STXBP4: variants seen among roughly 807,000 people sequenced by gnomAD.
The protein encoded by STXBP4 is syntaxin-binding protein 4.
In STXBP4, 55 loss-of-function variants were observed where a neutral mutation model predicts 76.1. The ratio of observed to expected loss-of-function variants is 0.72; its 90% CI spans 0.58 to 0.91. The LOEUF is 0.91. Ranked by LOEUF, STXBP4 falls within the 40% of genes least tolerant of loss-of-function variation. The probability of loss-of-function intolerance (pLI) is 0.00; values close to 1 mark genes in which losing one functional copy is unlikely to be tolerated. For synonymous variants in STXBP4, 201 were observed against 220.2 expected, an observed-to-expected ratio of 0.91 and a Z score of 0.77; for missense variants, 618 against 636.9, an observed-to-expected ratio of 0.97 and a Z score of 0.32.
chr17:55,175,293 C>T (rs1394845027), downstream of STXBP4, among the ~76,000 whole-genome samples: 1 of 152,134 alleles, frequency 6.6e-6, no homozygotes, highest in African/African-American at 2.4e-5. Context: ...TCTAAAGACA[C>T]CTGCTGATGC....
intron 13 of STXBP4, among the ~76,000 whole-genome samples, chr17:55,073,723 G>T (rs2079148456): frequency 6.6e-6 from 1 of 152,156 alleles, no homozygotes; most frequent in Non-Finnish European, 1.5e-5. Context: ...CCGCCTCCCA[G>T]GTTCAAGTGA....
chr17:55,073,914 C>G (rs2079150735), intron 13 of STXBP4, among the ~76,000 whole-genome samples: 2 of 152,146 alleles, frequency 1.3e-5, no homozygotes, highest in Admixed American at 1.3e-4. Flanking sequence ...CAGGCATGAG[C>G]CACCACGCCT....
rs2077570709 is a variant in STXBP4 at position 54,982,906 on chromosome 17, T to TA, written c.-156-2708_-156-2707insA. On this transcript the variant is annotated intron_variant, in intron 1 of 17. Transcript: ENST00000376352. ...TGGTGAATCAAACTTTTTACCTGAA[T>TA]TAATTTTCCAGCATACTGTAGTAGA... 5.3e-5 allele frequency among the ~76,000 whole-genome samples: 8 copies of TA among 152,316 alleles called. No individual in the cohort carries two copies. In the South Asian group the frequency reaches 1.5e-3, roughly 28 times the overall value.
chr17:55,113,401 G>A (rs2079745715), intron 16 of STXBP4, among the ~76,000 whole-genome samples: 1 of 151,928 alleles, frequency 6.6e-6, no homozygotes, highest in African/African-American at 2.4e-5. Context: ...AAAAGGTATG[G>A]GAAATTCCAC....
chr17:55,043,902 G>C, intron 11 of STXBP4: 1 of 392,744 alleles, frequency 2.5e-6, no homozygotes, highest in South Asian at 4.7e-5. Context: ...AGGCTGGAGT[G>C]CAATACTGCA....
intron 16 of STXBP4, among the ~76,000 whole-genome samples, chr17:55,103,862 C>T (rs143326104): frequency 6.6e-6 from 1 of 152,172 alleles, no homozygotes; most frequent in African/African-American, 2.4e-5. Context: ...AAGTTGTAGT[C>T]TTAGGTATTT....
At chr17:55,099,698 G>A (rs544469549) in intron 16 of STXBP4, among the ~76,000 whole-genome samples, 58 of 152,220 alleles carry the variant, frequency 3.8e-4, no homozygotes, top group African/African-American at 1.3e-3. Context: ...ACAAATATTT[G>A]TTGAATACAA....
chr17:55,192,593 G>A, the STXBP4 span, among the ~76,000 whole-genome samples: 2 of 152,152 alleles, frequency 1.3e-5, no homozygotes, highest in African/African-American at 4.8e-5. Flanking sequence ...TACCTGAAGA[G>A]GGGAGAAATC....
rs531004865 is a variant in STXBP4, at chr17:55,105,116, ATC to A, written c.1489+23936_1489+23937del. On this transcript the variant is annotated intron_variant, in intron 16 of 17. Coordinates refer to ENST00000376352, the MANE Select transcript of STXBP4 (RefSeq NM_178509.6). ...TTTTTGAAGGGTTTTTCGTGTCTCT[ATC>A]TCCTTCAGTTCTGCTCTGATCTTAG... 3.0e-3 allele frequency among the ~76,000 whole-genome samples: 461 copies of A among 151,982 alleles called. 2 individuals are homozygous for A. The highest frequency in any genetic ancestry group is 3.7e-3 in the Non-Finnish European group (251 of 67,988).
intron 10 of STXBP4, among the ~76,000 whole-genome samples, chr17:55,034,512 C>T (rs1208512203): frequency 2.0e-5 from 3 of 152,012 alleles, no homozygotes; most frequent in East Asian, 1.9e-4. Flanking sequence ...GTGGAGGATA[C>T]GTGCTATAAC....
intron 11 of STXBP4, chr17:55,043,878 G>A (rs990588975): frequency 1.9e-5 from 9 of 481,256 alleles, no homozygotes; most frequent in Admixed American, 3.8e-5. Context: ...AGACAGGGTC[G>A]CACTCTGTCG....
Position 54,999,352 on chromosome 17 carries a change from G to A in STXBP4, c.188G>A (p.Arg63His), listed in dbSNP as rs200471337. ...IPGGDCYKDGRLKPGDQLVSV... is the reference protein window; with the variant it reads ...IPGGDCYKDGHLKPGDQLVSV... ...TGTTACTGTTTTTGTTAGGATGGTC[G>A]TTTGAAGCCAGGAGATCAACTTGTC... Residue 63 changes from arginine to histidine, a missense_variant, in exon 5 of 18, where the codon CGT (arginine) becomes CAT (histidine). Physicochemically the swap from Arg to His is conservative, Grantham distance 29 (BLOSUM62 0). Coordinates refer to ENST00000376352, the MANE Select transcript of STXBP4 (RefSeq NM_178509.6). 7.8e-5 allele frequency: 126 copies of A among 1,607,984 alleles called. 1 individual carries two copies. Among genetic ancestry groups the A allele is most frequent in the East Asian group, 6.3e-4 (28 of 44,722 alleles).
the STXBP4 span, among the ~76,000 whole-genome samples, chr17:55,192,463 C>A: frequency 6.6e-6 from 1 of 152,134 alleles, no homozygotes; most frequent in Non-Finnish European, 1.5e-5. Context: ...CTAAATTAAC[C>A]TATCAAGTTA....
At chr17:55,129,867 G>C (rs2079955999) in intron 16 of STXBP4, among the ~76,000 whole-genome samples, 1 of 152,178 alleles carries the variant, frequency 6.6e-6, no homozygotes, top group Non-Finnish European at 1.5e-5. Context: ...CTGCTGTGAA[G>C]AGATTTTGCA....
chr17:55,036,857 T>C (rs2078612850), intron 10 of STXBP4, among the ~76,000 whole-genome samples: 1 of 152,142 alleles, frequency 6.6e-6, no homozygotes, highest in Non-Finnish European at 1.5e-5. Flanking sequence ...GAAGTTTGAA[T>C]AGTGTTTATT....
intron 12 of STXBP4, among the ~76,000 whole-genome samples, chr17:55,048,829 C>G (rs1428136663): frequency 6.6e-6 from 1 of 151,642 alleles, no homozygotes; most frequent in Non-Finnish European, 1.5e-5. Context: ...AGAAATCAAT[C>G]AAAATAACTG....
intron 13 of STXBP4, among the ~76,000 whole-genome samples, chr17:55,076,582 T>C (rs2144889746): frequency 1.3e-5 from 2 of 152,318 alleles, no homozygotes; most frequent in South Asian, 4.1e-4. Context: ...TTTTAAGATA[T>C]CTTTGGCTTC....
intron 1 of STXBP4, among the ~76,000 whole-genome samples, chr17:54,984,189 G>A (rs1567871388): frequency 6.6e-6 from 1 of 152,036 alleles, no homozygotes; most frequent in Admixed American, 6.5e-5. Context: ...GTTAATTTAC[G>A]GAAGAATCTA....
At chr17:55,185,248 TCTCCTTCTCCTTCTCCTTCTCCTTCTC>T in the STXBP4 span, among the ~76,000 whole-genome samples, 282 of 43,480 alleles carry the variant, frequency 6.5e-3, no homozygotes, top group Non-Finnish European at 8.7e-3. Flanking sequence ...TTCTTCTTCT[TCTCCTTCTCCTTCTCCTTCTCCTTCTC>T]CTTCTCCTTC....
Sources: allele counts gnomAD v4.1 joint callset (sites outside exome capture counted in the v4.1 genomes callset), GRCh38; gene constraint gnomAD v4.1.1; transcripts MANE v1.5; gene names NCBI Gene and HGNC (gene_info 2026-07-23, HGNC 2026-07-21).